Variants in KCNQ5 observed in about 807,000 individuals in gnomAD.
KCNQ5 encodes the protein potassium voltage-gated channel subfamily Q member 5, also known as potassium voltage-gated channel subfamily KQT member 5.
Under a neutral mutation model 98.2 loss-of-function variants are expected in KCNQ5, and 30 were observed. The ratio of observed to expected loss-of-function variants is 0.31; its 90% CI spans 0.23 to 0.41. The LOEUF (loss-of-function observed/expected upper bound fraction) is 0.41, where lower values mean the gene tolerates loss of function less well. Ranked by LOEUF, KCNQ5 falls within the 10% of genes least tolerant of loss-of-function variation. KCNQ5 has a pLI of 1.00. For missense variants in KCNQ5, 835 were observed against 1,182.5 expected, an observed-to-expected ratio of 0.71 and a Z score of 4.31; for synonymous variants, 458 against 449.4, an observed-to-expected ratio of 1.02 and a Z score of -0.24.
At chr6:72,980,117 C>G (rs1156282395) in intron 1 of KCNQ5, among the ~76,000 whole-genome samples, 1 of 152,174 alleles carries the variant, frequency 6.6e-6, no homozygotes, top group Non-Finnish European at 1.5e-5. Flanking sequence ...CATCATGCCT[C>G]CAGCTTTATT....
intron 1 of KCNQ5, among the ~76,000 whole-genome samples, chr6:72,892,706 C>T (rs531592334): frequency 3.9e-4 from 59 of 150,420 alleles, no homozygotes; most frequent in African/African-American, 1.4e-3. Flanking sequence ...TTGAATGGAA[C>T]CTACCTTAAA....
At chr6:73,185,232 G>T (rs2150518685) in intron 11 of KCNQ5, among the ~76,000 whole-genome samples, 1 of 152,306 alleles carries the variant, frequency 6.6e-6, no homozygotes, top group Admixed American at 6.5e-5. Context: ...AGGCTGGAGT[G>T]CAGTGGCAAG....
intron 10 of KCNQ5, chr6:73,136,906 G>A (rs1776495774): frequency 6.6e-6 from 1 of 151,960 alleles, no homozygotes; most frequent in African/African-American, 2.4e-5. Flanking sequence ...AGGTCTATTT[G>A]CCCATTCACT....
At chr6:72,635,012 A>G (rs188852498) in intron 1 of KCNQ5, among the ~76,000 whole-genome samples, 1 of 151,762 alleles carries the variant, frequency 6.6e-6, no homozygotes, top group Admixed American at 6.6e-5. Flanking sequence ...GATTATCTGA[A>G]TAATAATTTG....
intron 1 of KCNQ5, among the ~76,000 whole-genome samples, chr6:72,683,395 T>A (rs1767802728): frequency 7.2e-6 from 1 of 138,850 alleles, no homozygotes; most frequent in Admixed American, 7.8e-5. Context: ...TGAGACAGAG[T>A]CTCGCTCTGT....
At chr6:73,135,114 A>C (rs374859433) in intron 10 of KCNQ5, 4 of 152,212 alleles carry the variant, frequency 2.6e-5, no homozygotes, top group African/African-American at 9.6e-5. Context: ...TATTTCTAGG[A>C]TATAATAGAT....
At chr6:72,660,421 T>C (rs1766450399) in intron 1 of KCNQ5, among the ~76,000 whole-genome samples, 2 of 152,200 alleles carry the variant, frequency 1.3e-5, no homozygotes, top group Non-Finnish European at 2.9e-5. Context: ...TAACATGGTA[T>C]ACTCAAAGTC....
chr6:72,904,642 C>T (rs1044885067), intron 1 of KCNQ5, among the ~76,000 whole-genome samples: 2 of 152,140 alleles, frequency 1.3e-5, no homozygotes, highest in Non-Finnish European at 2.9e-5. Context: ...TCACTGGATA[C>T]AAAATTCTTG....
rs767154905 is a variant in KCNQ5 at position 73,192,707 on chromosome 6, G to T, written c.1836+16G>T. 2.3e-5 allele frequency: 35 copies of T among 1,539,400 alleles called. No homozygotes were observed. The South Asian group carries it at 4.4e-4, about 19-fold the overall frequency. ...TGAAAAACAGGTACAACTCAACTAC[G>T]CTGGGTATCTTTTTAGCCAGAATTT... On this transcript the variant is annotated intron_variant, in intron 13 of 13. Transcript: ENST00000370398.
At chr6:72,643,849 T>C (rs1341615995) in intron 1 of KCNQ5, among the ~76,000 whole-genome samples, 1 of 152,150 alleles carries the variant, frequency 6.6e-6, no homozygotes, top group Non-Finnish European at 1.5e-5. Flanking sequence ...AGCATAAGAA[T>C]GTTCCCTGAA....
intron 1 of KCNQ5, among the ~76,000 whole-genome samples, chr6:72,664,753 G>C (rs1324565313): frequency 1.3e-5 from 2 of 152,150 alleles, no homozygotes; most frequent in Admixed American, 1.3e-4. Flanking sequence ...TGAAATGACA[G>C]TTTGAGAAAG....
chr6:72,985,177 G>A (rs987503383), intron 1 of KCNQ5, among the ~76,000 whole-genome samples: 1 of 152,322 alleles, frequency 6.6e-6, no homozygotes, highest in South Asian at 2.1e-4. Flanking sequence ...CTGTACACCA[G>A]TGTGGGCGAC....
intron 1 of KCNQ5, among the ~76,000 whole-genome samples, chr6:72,704,240 T>G (rs149561621): frequency 5.9e-5 from 9 of 152,316 alleles, no homozygotes; most frequent in African/African-American, 2.2e-4. Flanking sequence ...TATTCCTCCC[T>G]CTGTTTATGG....
intron 1 of KCNQ5, among the ~76,000 whole-genome samples, chr6:72,650,895 A>G (rs1040874787): frequency 6.6e-6 from 1 of 152,084 alleles, no homozygotes; most frequent in Admixed American, 6.6e-5. Context: ...TAACTAATCC[A>G]TGGAGGAGAG....
intron 11 of KCNQ5, among the ~76,000 whole-genome samples, chr6:73,173,775 C>A (rs1778102287): frequency 6.6e-6 from 1 of 150,808 alleles, no homozygotes; most frequent in Non-Finnish European, 1.5e-5. Flanking sequence ...CATGGTGAAA[C>A]CCTGTCTCTA....
intron 1 of KCNQ5, among the ~76,000 whole-genome samples, chr6:72,866,333 C>T (rs893388091): frequency 1.3e-5 from 2 of 149,582 alleles, no homozygotes; most frequent in African/African-American, 5.0e-5. Flanking sequence ...CGGCCCACTG[C>T]AGCCTCAACC....
At chr6:72,720,481 T>C in intron 1 of KCNQ5, among the ~76,000 whole-genome samples, 1 of 149,450 alleles carries the variant, frequency 6.7e-6, no homozygotes, top group African/African-American at 2.4e-5. Context: ...GAAAAAGTGA[T>C]TGCAAAGGCT....
At chr6:72,664,875 C>T (rs1318152725) in intron 1 of KCNQ5, among the ~76,000 whole-genome samples, 1 of 152,126 alleles carries the variant, frequency 6.6e-6, no homozygotes, top group Non-Finnish European at 1.5e-5. Flanking sequence ...CTGTTACTGT[C>T]ATTTTTACCA....
intron 1 of KCNQ5, among the ~76,000 whole-genome samples, chr6:72,844,825 A>G (rs1776951664): frequency 6.6e-6 from 1 of 152,214 alleles, no homozygotes; most frequent in South Asian, 2.1e-4. Flanking sequence ...TAAACGGATT[A>G]TTCTGTGCCT....
Sources: gnomAD v4.1 joint callset for allele counts (sites outside exome capture counted in the v4.1 genomes callset) on GRCh38, gnomAD v4.1.1 for gene constraint, MANE v1.5 for transcripts, NCBI Gene and HGNC (gene_info 2026-07-23, HGNC 2026-07-21) for gene names.